The following ARMH3 variants were observed in gnomAD, a reference collection of about 807,000 sequenced individuals.
ARMH3 encodes armadillo like helical domain containing 3, also known as armadillo-like helical domain-containing protein 3.
Under a neutral mutation model 99.1 loss-of-function variants are expected in ARMH3, and 60 were observed. The ratio of observed to expected loss-of-function variants is 0.61; its 90% CI spans 0.49 to 0.75. The LOEUF is 0.75. Ranked by LOEUF, ARMH3 falls within the 30% of genes least tolerant of loss-of-function variation. The pLI is 0.00. For missense variants in ARMH3, 679 were observed against 843.1 expected (o/e 0.81, Z 2.41); for synonymous variants, 285 against 292.8 (o/e 0.97, Z 0.27).
In ARMH3 at chr10:101,880,168, A is replaced by C. The variant is rs191926708; in HGVS notation, c.1860+9244T>G. Reference sequence around the variant, plus strand: ...AAGACTACAATACAGGCTGTTGTAGAAAAACATGATGCCAAGCACAGAAAA... The same window carrying C: ...AAGACTACAATACAGGCTGTTGTAGCAAAACATGATGCCAAGCACAGAAAA... On this transcript the variant is annotated intron_variant, in intron 24 of 25. Transcript: ENST00000370033. Among the ~76,000 whole-genome samples the C allele has an allele frequency of 4.1e-3, 627 of 152,358 alleles. 23 individuals are homozygous for C. Among genetic ancestry groups the C allele is most frequent in the Admixed American group, 0.039 (594 of 15,306 alleles).
At chr10:101,850,160 T>TGC (rs2066561125) in intron 24 of ARMH3, among the ~76,000 whole-genome samples, 1 of 142,888 alleles carries the variant, frequency 7.0e-6, no homozygotes, top group Non-Finnish European at 1.5e-5. Context: ...TACAGTGACG[T>TGC]GATCTCAGTT....
intron 20 of ARMH3, among the ~76,000 whole-genome samples, chr10:101,968,678 C>T (rs1056331272): frequency 8.5e-5 from 13 of 152,266 alleles, no homozygotes; most frequent in African/African-American, 3.1e-4. Context: ...CTCCCTGTAA[C>T]AGGCTAAACC....
Position 101,993,600 on chromosome 10 carries a change from G to T in ARMH3, c.1213C>A (p.Gln405Lys). Residue 405 changes from glutamine (Q) to lysine (K), a missense_variant, in exon 17 of 26, where the codon CAA (glutamine) becomes AAA (lysine). Gln to Lys is a moderately conservative substitution (Grantham distance 53). Around this residue, in one of 3 missense-constraint regions of ARMH3, gnomAD observed 389 missense variants for 456.5 expected, o/e 0.85. Coordinates refer to ENST00000370033, the MANE Select transcript of ARMH3 (RefSeq NM_024541.3). ...LIILTCIAED[Q>K]YANAFLHDDN... ...TCATGCAAAAATGCATTGGCATATT[G>T]ATCCTAATAAAAATATAGAGAAAAA... 1 of 1,585,514 alleles carries T rather than the reference G, an allele frequency of 6.3e-7. No homozygotes were observed. The highest frequency in any genetic ancestry group is 8.6e-7 in the Non-Finnish European group (1 of 1,162,752).
At chr10:102,033,565 C>T in intron 2 of ARMH3, 1 of 432,184 alleles carries the variant, frequency 2.3e-6, no homozygotes, top group Non-Finnish European at 4.1e-6. Flanking sequence ...ACTACAGGCG[C>T]CCACCACCTC....
chr10:102,027,970 A>T (rs2067036819), intron 5 of ARMH3, among the ~76,000 whole-genome samples: 1 of 151,784 alleles, frequency 6.6e-6, no homozygotes, highest in South Asian at 2.1e-4. Flanking sequence ...ACATATTCAG[A>T]ATACGAAAAG....
rs997888928 is a variant in ARMH3, at chr10:101,981,203, A to AG, written c.1407-5904dup. On this transcript the variant is annotated intron_variant, in intron 19 of 25. Transcript: ENST00000370033. ...AAGAAATAATGAAAAAAAAAGAAAA[A>AG]GAAAAAAAACAGGGGTAGCTAATTT... Among the ~76,000 whole-genome samples the AG allele has an allele frequency of 7.9e-5, 12 of 152,250 alleles. No individual in the cohort carries two copies. In the East Asian group the frequency reaches 1.9e-3, roughly 24 times the overall value.
rs1427070136 is a variant in ARMH3 at position 101,854,585 on chromosome 10, T to G, written c.1861-4693A>C. On this transcript the variant is annotated intron_variant, in intron 24 of 25. Transcript: ENST00000370033. Reference sequence around the variant, plus strand: ...TTGCCTTAAAACACTTTGCCTCAACTTAGGCGAGGGGAAAACAAAGTGGGC... The same window carrying G: ...TTGCCTTAAAACACTTTGCCTCAACGTAGGCGAGGGGAAAACAAAGTGGGC... Among the ~76,000 whole-genome samples, 4 of 152,186 alleles carry G rather than the reference T, an allele frequency of 2.6e-5. No individual in the cohort carries two copies. The East Asian group carries it at 7.8e-4, about 30-fold the overall frequency.
chr10:102,006,433 T>A (rs2066489352), intron 14 of ARMH3, 107 bp downstream of exon 14: 3 of 1,271,514 alleles, frequency 2.4e-6, no homozygotes, highest in Non-Finnish European at 3.4e-6. Flanking sequence ...ACCAATTTAG[T>A]GGGAAAAATT....
At chr10:101,879,752 G>A (rs915689674) in intron 24 of ARMH3, among the ~76,000 whole-genome samples, 1 of 152,078 alleles carries the variant, frequency 6.6e-6, no homozygotes, top group African/African-American at 2.4e-5. Flanking sequence ...TTTTAAATCT[G>A]AAACACTTTC....
At position 102,023,658 on chromosome 10, in the gene ARMH3, G is replaced by A. The variant is rs1202553535; in HGVS notation, c.582+17C>T. On this transcript the variant is annotated intron_variant, in intron 7 of 25. Coordinates refer to ENST00000370033, the MANE Select transcript of ARMH3 (RefSeq NM_024541.3). ...GAGGTGGTTTACCCCAAAGAGAGGAGGTAACAAGGGACCTACCTGTAAAAT... is the reference window on the plus strand; with the variant it reads ...GAGGTGGTTTACCCCAAAGAGAGGAAGTAACAAGGGACCTACCTGTAAAAT... The A allele has an allele frequency of 6.2e-7, 1 of 1,612,026 alleles. No individual in the cohort carries two copies.
intron 1 of ARMH3, among the ~76,000 whole-genome samples, chr10:102,051,060 A>G (rs916711102): frequency 6.6e-6 from 1 of 151,676 alleles, no homozygotes; most frequent in Non-Finnish European, 1.5e-5. Context: ...AGGCTGAGGC[A>G]GGAGAATCAC....
rs1356498354 is a variant in ARMH3, at chr10:101,993,444, C to T, written c.1275+94G>A. 5 of 902,270 alleles carry T rather than the reference C, an allele frequency of 5.5e-6. No homozygotes were observed. The East Asian group carries it at 7.8e-5, about 14-fold the overall frequency. 55.9% of individuals were successfully genotyped at this position (902,270 alleles called of 1,614,324 possible). Reference sequence around the variant, plus strand: ...AAGCCCTTTGGCACAACTTTCCACCCACATTTGTTCTAGTAAGATCAATTT... The same window carrying T: ...AAGCCCTTTGGCACAACTTTCCACCTACATTTGTTCTAGTAAGATCAATTT... On this transcript the variant is annotated intron_variant, in intron 17 of 25. Coordinates refer to ENST00000370033, the MANE Select transcript of ARMH3 (RefSeq NM_024541.3).
chr10:101,976,295 G>A (rs554318398), intron 19 of ARMH3, among the ~76,000 whole-genome samples: 1 of 150,396 alleles, frequency 6.6e-6, no homozygotes, highest in South Asian at 2.1e-4. Flanking sequence ...AACCAAGATC[G>A]GGCCACTGTA....
intron 2 of ARMH3, among the ~76,000 whole-genome samples, chr10:102,039,214 G>C (rs372012430): frequency 6.6e-6 from 1 of 151,192 alleles, no homozygotes; most frequent in East Asian, 1.9e-4. Context: ...GCACAATCTC[G>C]GCTCACTGCA....
chr10:101,936,730 T>C (rs1438716057), intron 23 of ARMH3, among the ~76,000 whole-genome samples: 3 of 152,114 alleles, frequency 2.0e-5, no homozygotes, highest in Non-Finnish European at 4.4e-5. Flanking sequence ...GCATTATTTA[T>C]AATAACCAAA....
chr10:101,944,316 A>AGAGAGAGG (rs1844415384), intron 22 of ARMH3, among the ~76,000 whole-genome samples: 2 of 126,574 alleles, frequency 1.6e-5, no homozygotes. Flanking sequence ...AGAGAGAGAG[A>AGAGAGAGG]GAGAGAGAGA....
At chr10:102,016,162 A>G (rs569042089) in intron 8 of ARMH3, among the ~76,000 whole-genome samples, 1 of 152,320 alleles carries the variant, frequency 6.6e-6, no homozygotes, top group East Asian at 1.9e-4. Context: ...AACATTTGGG[A>G]TAGAAGTACT....
At chr10:102,025,095 G>T in intron 6 of ARMH3, 61 bp downstream of exon 6, 2 of 1,355,432 alleles carry the variant, frequency 1.5e-6, no homozygotes, top group Non-Finnish European at 2.1e-6. Flanking sequence ...TTGGGCTCAA[G>T]TATTCAAACA....
Position 102,036,019 on chromosome 10 carries a change from A to C in ARMH3, c.103-2680T>G, listed in dbSNP as rs1333929067. ...TGGGGAGCACCTCTGCCCGGCCGCGACCCCGACTGGGAGGTGGGGAGCGTC... is the reference window on the plus strand; with the variant it reads ...TGGGGAGCACCTCTGCCCGGCCGCGCCCCCGACTGGGAGGTGGGGAGCGTC... On this transcript the variant is annotated intron_variant, in intron 2 of 25. Transcript: ENST00000370033. Among the ~76,000 whole-genome samples, 9 of 138,362 alleles carry C rather than the reference A, an allele frequency of 6.5e-5. No individual in the cohort carries two copies. The Admixed American group carries it at 6.5e-4, about 10-fold the overall frequency. 90.8% of individuals were successfully genotyped at this position (138,362 alleles called of 152,430 possible).
Sources: allele counts gnomAD v4.1 joint callset (sites outside exome capture counted in the v4.1 genomes callset), GRCh38; gene constraint gnomAD v4.1.1; regional missense constraint gnomAD v4.1.1; transcripts MANE v1.5; gene names NCBI Gene and HGNC (gene_info 2026-07-23, HGNC 2026-07-21).